OPCML: variants seen among roughly 807,000 people sequenced by gnomAD.
OPCML encodes opioid binding protein/cell adhesion molecule like.
Under a neutral mutation model 37.8 loss-of-function variants are expected in OPCML, and 13 were observed. The ratio of observed to expected loss-of-function variants is 0.34; its 90% CI spans 0.22 to 0.55. The LOEUF is 0.55. OPCML is among the 20% of genes least tolerant of loss of function. The pLI is 0.91. For missense variants in OPCML, 341 were observed against 435.6 expected, an observed-to-expected ratio of 0.78 and a Z score of 1.93; for synonymous variants, 176 against 168.8, an observed-to-expected ratio of 1.04 and a Z score of -0.33.
intron 1 of OPCML, among the ~76,000 whole-genome samples, chr11:133,034,442 T>A (rs369639903): frequency 6.6e-6 from 1 of 152,060 alleles, no homozygotes; most frequent in Non-Finnish European, 1.5e-5. Flanking sequence ...CCAGTACCTG[T>A]CATAAATCCA....
At chr11:132,420,938 C>A (rs890537638) in intron 7 of OPCML, among the ~76,000 whole-genome samples, 1 of 152,092 alleles carries the variant, frequency 6.6e-6, no homozygotes, top group African/African-American at 2.4e-5. Context: ...AAACAGACTG[C>A]CCCTGAAGAT....
intron 1 of OPCML, among the ~76,000 whole-genome samples, chr11:133,528,357 A>T (rs1276345866): frequency 6.6e-6 from 1 of 152,236 alleles, no homozygotes; most frequent in Admixed American, 6.5e-5. Flanking sequence ...GGGCTAAAGG[A>T]CGATGGGAAC....
At chr11:133,249,288 G>A (rs560896871) in intron 1 of OPCML, among the ~76,000 whole-genome samples, 1 of 152,274 alleles carries the variant, frequency 6.6e-6, no homozygotes, top group Admixed American at 6.5e-5. Flanking sequence ...CATGGTGAGA[G>A]AGGAAGGGAA....
chr11:132,449,715 A>G (rs978359618), intron 4 of OPCML, among the ~76,000 whole-genome samples: 2 of 152,164 alleles, frequency 1.3e-5, no homozygotes, highest in Admixed American at 6.5e-5. Flanking sequence ...GAGGAGGCCA[A>G]GGTTTCGGCC....
chr11:132,691,137 C>T (rs187459535), intron 2 of OPCML, among the ~76,000 whole-genome samples: 14 of 152,216 alleles, frequency 9.2e-5, no homozygotes, highest in African/African-American at 1.7e-4. Context: ...TATAAGGAAA[C>T]GGAGCCACAG....
At chr11:132,800,137 C>G (rs550419237) in intron 2 of OPCML, among the ~76,000 whole-genome samples, 33 of 152,100 alleles carry the variant, frequency 2.2e-4, no homozygotes, top group Non-Finnish European at 3.8e-4. Flanking sequence ...TAAGTTTTCA[C>G]TTCTTTTATT....
intron 1 of OPCML, among the ~76,000 whole-genome samples, chr11:133,474,604 C>T (rs1453614157): frequency 4.6e-5 from 7 of 152,152 alleles, no homozygotes; most frequent in Admixed American, 4.6e-4. Context: ...CCTGCTGCGG[C>T]TGGGGGTATG....
intron 2 of OPCML, among the ~76,000 whole-genome samples, chr11:132,675,471 C>T (rs1350828503): frequency 6.6e-6 from 1 of 151,790 alleles, no homozygotes; most frequent in Non-Finnish European, 1.5e-5. Flanking sequence ...AAAAGGCACC[C>T]AGTTTGGAAA....
chr11:132,984,439 A>C (rs149840184), intron 1 of OPCML, among the ~76,000 whole-genome samples: 1 of 152,342 alleles, frequency 6.6e-6, no homozygotes, highest in East Asian at 1.9e-4. Context: ...CATACTAATA[A>C]ATTTTACAAA....
At chr11:133,270,239 C>T (rs760707033) in intron 1 of OPCML, among the ~76,000 whole-genome samples, 1 of 152,188 alleles carries the variant, frequency 6.6e-6, no homozygotes, top group Admixed American at 6.5e-5. Flanking sequence ...CCATTCAGCA[C>T]ACTGTGGAGT....
In OPCML at chr11:132,807,983, TAG is replaced by T. The variant is rs1397619089; in HGVS notation, c.146+134941_146+134942del. Among the ~76,000 whole-genome samples, 66 of 152,366 alleles carry T rather than the reference TAG, an allele frequency of 4.3e-4. 2 individuals are homozygous for T. The highest frequency in any genetic ancestry group is 4.3e-3 in the Admixed American group (66 of 15,312). The stretch of plus-strand genomic sequence containing the variant: ...AAATCACGTATTACATGAGTAAATG[TAG>T]ATCTTTCTTTCTTTCAAGAGAGATA... On this transcript the variant is annotated intron_variant, in intron 2 of 7. Coordinates refer to ENST00000524381, the MANE Select transcript of OPCML (RefSeq NM_001012393.5).
chr11:132,799,945 T>C (rs935705098), intron 2 of OPCML, among the ~76,000 whole-genome samples: 4 of 152,214 alleles, frequency 2.6e-5, no homozygotes, highest in Non-Finnish European at 4.4e-5. Flanking sequence ...TATTATCAGC[T>C]TGTCAAATTC....
chr11:133,284,105 G>A (rs1413089938), intron 1 of OPCML, among the ~76,000 whole-genome samples: 1 of 152,164 alleles, frequency 6.6e-6, no homozygotes, highest in Non-Finnish European at 1.5e-5. Flanking sequence ...TTCCTGTTCT[G>A]AGAATATTTC....
chr11:132,490,050 A>C (rs1360920961), intron 4 of OPCML, among the ~76,000 whole-genome samples: 1 of 152,050 alleles, frequency 6.6e-6, no homozygotes, highest in Non-Finnish European at 1.5e-5. Context: ...ATAGTATTCC[A>C]TGGTGTATAT....
chr11:133,097,790 A>C (rs1309349312), intron 1 of OPCML, among the ~76,000 whole-genome samples: 1 of 152,340 alleles, frequency 6.6e-6, no homozygotes, highest in East Asian at 1.9e-4. Flanking sequence ...TTCTTGAAAG[A>C]TATGTCTGCC....
intron 3 of OPCML, among the ~76,000 whole-genome samples, chr11:132,626,545 G>A (rs1171455261): frequency 6.6e-6 from 1 of 152,174 alleles, no homozygotes; most frequent in African/African-American, 2.4e-5. Context: ...ATAGAAGATA[G>A]GGAAAAGGCT....
At chr11:133,005,906 G>T (rs1320704918) in intron 1 of OPCML, 1 of 985,258 alleles carries the variant, frequency 1.0e-6, no homozygotes, top group African/African-American at 1.7e-5. Flanking sequence ...CATCCTTTGG[G>T]TTAGCTGTGG....
rs1366300420 is a variant in OPCML, at chr11:133,174,968, G to A, written c.62-231958C>T. Reference sequence around the variant, plus strand: ...AAATTTTTAAAAAGTAACTGTACATGGTGTTGCACACCTATAGTTCCAGCT... The same window carrying A: ...AAATTTTTAAAAAGTAACTGTACATAGTGTTGCACACCTATAGTTCCAGCT... On this transcript the variant is annotated intron_variant, in intron 1 of 7. Transcript: ENST00000524381. The surrounding 1 kb of genome is among the most constrained non-coding windows in gnomAD (Gnocchi z 4.6). Among the ~76,000 whole-genome samples, 2 of 152,146 alleles carry A rather than the reference G, an allele frequency of 1.3e-5. No individual in the cohort carries two copies. Among genetic ancestry groups the A allele is most frequent in the African/African-American group, 2.4e-5 (1 of 41,432 alleles).
chr11:133,527,163 C>A lies in OPCML; in HGVS notation c.61+5101G>T, dbSNP rs1948507551. 2.6e-5 allele frequency among the ~76,000 whole-genome samples: 4 copies of A among 152,232 alleles called. No individual in the cohort carries two copies. The South Asian group carries it at 8.3e-4, about 31-fold the overall frequency. ...AAAGCCAGTGCCCATAGGCCAAAGG[C>A]TATTAGATGGGGCTCCTGGAGTTCC... On this transcript the variant is annotated intron_variant, in intron 1 of 7. Coordinates refer to ENST00000524381, the MANE Select transcript of OPCML (RefSeq NM_001012393.5).
Sources: gnomAD v4.1 joint callset for allele counts (sites outside exome capture counted in the v4.1 genomes callset) on GRCh38, gnomAD v4.1.1 for gene constraint, Gnocchi (gnomAD v3.1) non-coding constraint, MANE v1.5 for transcripts, NCBI Gene and HGNC (gene_info 2026-07-23, HGNC 2026-07-21) for gene names.